Variants in ANKRD28 observed in about 807,000 individuals in gnomAD.
ANKRD28 encodes the protein ankyrin repeat domain 28.
A neutral mutation model predicts 126.5 loss-of-function variants in ANKRD28; 44 were observed. The observed-to-expected ratio is 0.35, with a 90% confidence interval of 0.27 to 0.45. The LOEUF (loss-of-function observed/expected upper bound fraction) is 0.45, where lower values mean the gene tolerates loss of function less well. Ranked by LOEUF, ANKRD28 falls within the 20% of genes least tolerant of loss-of-function variation. The pLI is 1.00. For missense variants in ANKRD28, 1,110 were observed against 1,316.6 expected (o/e 0.84, Z 2.43); for synonymous variants, 442 against 468.5 (o/e 0.94, Z 0.73).
At chr3:15,805,351 C>T (rs2060555251) in intron 1 of ANKRD28, among the ~76,000 whole-genome samples, 1 of 151,974 alleles carries the variant, frequency 6.6e-6, no homozygotes, top group African/African-American at 2.4e-5. Flanking sequence ...CCTTGAGAAG[C>T]AGTTTGAAAT....
intron 1 of ANKRD28, among the ~76,000 whole-genome samples, chr3:15,808,990 C>G (rs1377863585): frequency 6.6e-6 from 1 of 152,000 alleles, no homozygotes; most frequent in African/African-American, 2.4e-5. Flanking sequence ...TACACACACC[C>G]CCCTTTTTTT....
At chr3:15,806,181 C>T (rs1009878491) in intron 1 of ANKRD28, among the ~76,000 whole-genome samples, 7 of 152,038 alleles carry the variant, frequency 4.6e-5, no homozygotes, top group African/African-American at 9.7e-5. Context: ...TTCACGCCTT[C>T]GATAAACTTT....
chr3:15,798,241 A>G (rs1011598650), upstream of ANKRD28: 34 of 868,616 alleles, frequency 3.9e-5, no homozygotes, highest in Admixed American at 6.2e-5. Context: ...TGTTACAATA[A>G]AGCAAATGTT....
chr3:15,700,709 G>C (rs2070450569), intron 14 of ANKRD28, among the ~76,000 whole-genome samples: 1 of 152,168 alleles, frequency 6.6e-6, no homozygotes, highest in African/African-American at 2.4e-5. Flanking sequence ...AGGAGGCGGA[G>C]GTTGCAGTGA....
intron 1 of ANKRD28, among the ~76,000 whole-genome samples, chr3:15,834,033 GTA>G (rs1026216642): frequency 6.6e-6 from 1 of 152,080 alleles, no homozygotes; most frequent in African/African-American, 2.4e-5. Flanking sequence ...TCTGTAGGTT[GTA>G]TGTTTACTCT....
intron 1 of ANKRD28, among the ~76,000 whole-genome samples, chr3:15,811,956 C>A (rs983623294): frequency 2.0e-5 from 3 of 151,638 alleles, no homozygotes; most frequent in African/African-American, 7.3e-5. Context: ...AGTTCAAGAC[C>A]AGTCTGGCCA....
rs1315668813 is a variant in ANKRD28 at position 15,797,761 on chromosome 3, T to C, written c.-1240A>G. ...CCTTCCACTGTGAAAACCGCCACAGTTATCCTTTTCAGATTTCAAATGCTT... is the reference window on the plus strand; with the variant it reads ...CCTTCCACTGTGAAAACCGCCACAGCTATCCTTTTCAGATTTCAAATGCTT... On this transcript the variant is annotated 5_prime_UTR_variant, in exon 1 of 28. Coordinates refer to ENST00000683139, the MANE Select transcript of ANKRD28 (RefSeq NM_001349278.2). 10 of 985,310 alleles carry C rather than the reference T, an allele frequency of 1.0e-5. No individual in the cohort carries two copies. Among genetic ancestry groups the C allele is most frequent in the Non-Finnish European group, 1.2e-5 (10 of 829,934 alleles). 61.0% of individuals were successfully genotyped at this position (985,310 alleles called of 1,614,324 possible).
intron 2 of ANKRD28, among the ~76,000 whole-genome samples, chr3:15,791,997 C>T (rs2060051660): frequency 6.6e-6 from 1 of 152,066 alleles, no homozygotes; most frequent in South Asian, 2.1e-4. Flanking sequence ...CTCAACATCA[C>T]TAATCATCAG....
rs550889180 is a variant in ANKRD28 at position 15,821,254 on chromosome 3, G to C, written c.28-25948C>G. Among the ~76,000 whole-genome samples, 123 of 152,094 alleles carry C rather than the reference G, an allele frequency of 8.1e-4. 2 individuals carry two copies. Among genetic ancestry groups the C allele is most frequent in the Non-Finnish European group, 2.6e-4 (18 of 67,990 alleles). On this transcript the variant is annotated intron_variant, in intron 1 of 27. Transcript: ENST00000399451. Reference sequence around the variant, plus strand: ...GTGAGCTTACTACAAAAAGCAAAAGGAACTCAGTAGTTACGTTCCTTAAAA... The same window carrying C: ...GTGAGCTTACTACAAAAAGCAAAAGCAACTCAGTAGTTACGTTCCTTAAAA...
chr3:15,744,607 G>A (rs1037217834), intron 4 of ANKRD28, among the ~76,000 whole-genome samples: 3 of 151,818 alleles, frequency 2.0e-5, no homozygotes, highest in South Asian at 2.1e-4. Flanking sequence ...GTGAGCCACC[G>A]CGCCTGGCCA....
At chr3:15,787,400 C>G (rs1159417262) in intron 2 of ANKRD28, among the ~76,000 whole-genome samples, 1 of 152,090 alleles carries the variant, frequency 6.6e-6, no homozygotes, top group African/African-American at 2.4e-5. Flanking sequence ...AAATTTGAAA[C>G]TGGAATCTAG....
At chr3:15,841,167 T>A (rs1373764897) in intron 1 of ANKRD28, among the ~76,000 whole-genome samples, 2 of 152,090 alleles carry the variant, frequency 1.3e-5, no homozygotes, top group Admixed American at 6.6e-5. Flanking sequence ...TGAAGACCCC[T>A]ACCTCTTGCC....
intron 3 of ANKRD28, among the ~76,000 whole-genome samples, chr3:15,760,532 AAAAT>A (rs1443430084): frequency 1.6e-4 from 25 of 152,220 alleles, no homozygotes; most frequent in African/African-American, 6.0e-4. Flanking sequence ...GACTAGGATA[AAAAT>A]ATACAGAGTA....
At chr3:15,677,617 C>A in intron 24 of ANKRD28, 55 bp from the exon 25 acceptor site, 1 of 1,330,426 alleles carries the variant, frequency 7.5e-7, no homozygotes, top group Non-Finnish European at 1.1e-6. Context: ...TCTTAGATTA[C>A]CAATAACTCA....
intron 1 of ANKRD28, among the ~76,000 whole-genome samples, chr3:15,828,686 ATT>A (rs1427241695): frequency 2.6e-5 from 4 of 151,714 alleles, no homozygotes; most frequent in Admixed American, 2.6e-4. Context: ...TTGCCTTCAC[ATT>A]TTTAACCTAA....
chr3:15,839,124 G>A lies in ANKRD28; in HGVS notation c.27+20253C>T, dbSNP rs1333175332. Among the ~76,000 whole-genome samples, 1 of 152,188 alleles carries A rather than the reference G, an allele frequency of 6.6e-6. No individual in the cohort carries two copies. The highest frequency in any genetic ancestry group is 1.9e-4 in the East Asian group (1 of 5,192). Reference sequence around the variant, plus strand: ...AGGTGGGACTAGGAGTAACTGCAAAGTAGGTACAAGGTATCTTTTTGGGGT... The same window carrying A: ...AGGTGGGACTAGGAGTAACTGCAAAATAGGTACAAGGTATCTTTTTGGGGT... On this transcript the variant is annotated intron_variant, in intron 1 of 27. Coordinates refer to the ANKRD28 transcript ENST00000399451. This position sits in a 1 kb window ranked among gnomAD's most constrained non-coding sequence, Gnocchi z 4.3.
At chr3:15,859,353 C>T in intron 1 of ANKRD28, 1 of 1,526,088 alleles carries the variant, frequency 6.6e-7, no homozygotes, top group Non-Finnish European at 8.8e-7. Context: ...ACGGCGCGAT[C>T]CCGCCCTGCA....
chr3:15,831,563 C>T (rs558391859), intron 1 of ANKRD28, among the ~76,000 whole-genome samples: 27 of 152,258 alleles, frequency 1.8e-4, no homozygotes, highest in Admixed American at 4.6e-4. Flanking sequence ...TGTCAAATTC[C>T]CCTGAGGAGA....
At chr3:15,728,791 ACT>A (rs1208898922) in intron 6 of ANKRD28, among the ~76,000 whole-genome samples, 25 of 151,710 alleles carry the variant, frequency 1.6e-4, no homozygotes, top group African/African-American at 5.8e-4. Flanking sequence ...CAGCCAAAAA[ACT>A]CTTTTTCCTT....
Sources: gnomAD v4.1 joint callset for allele counts (sites outside exome capture counted in the v4.1 genomes callset) on GRCh38, gnomAD v4.1.1 for gene constraint, Gnocchi (gnomAD v3.1) non-coding constraint, MANE v1.5 for transcripts, NCBI Gene and HGNC (gene_info 2026-07-23, HGNC 2026-07-21) for gene names.